Variants in TNRC6A observed in about 807,000 individuals in gnomAD.
The protein encoded by TNRC6A is trinucleotide repeat containing adaptor 6A.
Under a neutral mutation model 221.2 loss-of-function variants are expected in TNRC6A, and 44 were observed. The observed-to-expected ratio is 0.20, with a 90% CI of 0.16 to 0.26. TNRC6A has a LOEUF of 0.26. Ranked by LOEUF, TNRC6A falls within the 10% of genes least tolerant of loss-of-function variation. The pLI, the probability that TNRC6A is intolerant of heterozygous loss-of-function variation, is 1.00. For synonymous variants in TNRC6A, 847 were observed against 838.5 expected, an observed-to-expected ratio of 1.01 and a Z score of -0.18; for missense variants, 2,199 against 2,404.4, an observed-to-expected ratio of 0.91 and a Z score of 1.79.
intron 4 of TNRC6A, chr16:24,776,631 T>C (rs910353556): frequency 1.0e-6 from 1 of 985,284 alleles, no homozygotes; most frequent in Admixed American, 6.2e-5. Flanking sequence ...TTTGTAATGA[T>C]CCGATGATGA....
chr16:24,610,584 T>C (rs1472056597), intron 1 of TNRC6A: 1 of 152,276 alleles, frequency 6.6e-6, no homozygotes, highest in Non-Finnish European at 1.5e-5. Flanking sequence ...GGAAGGGAAG[T>C]GCCTGCCGGC....
intron 2 of TNRC6A, among the ~76,000 whole-genome samples, chr16:24,668,197 G>A (rs921277575): frequency 3.3e-5 from 5 of 151,394 alleles, no homozygotes; most frequent in African/African-American, 9.7e-5. Flanking sequence ...GCGTGGTGGC[G>A]CATGCCTGTA....
chr16:24,722,822 A>G (rs2056433259), intron 2 of TNRC6A, among the ~76,000 whole-genome samples: 1 of 152,164 alleles, frequency 6.6e-6, no homozygotes, highest in African/African-American at 2.4e-5. Context: ...GGGGTGTTCT[A>G]CGGTATGGCA....
chr16:24,651,562 A>AC (rs1390937954), intron 2 of TNRC6A, among the ~76,000 whole-genome samples: 1 of 145,492 alleles, frequency 6.9e-6, no homozygotes, highest in East Asian at 2.1e-4. Context: ...AAAAAAAAAA[A>AC]AACATAAAAT....
chr16:24,728,909 T>C (rs1475658907), upstream of TNRC6A, among the ~76,000 whole-genome samples: 1 of 152,156 alleles, frequency 6.6e-6, no homozygotes, highest in African/African-American at 2.4e-5. Flanking sequence ...GCCGGGATTA[T>C]TCCTCCACAT....
chr16:24,668,350 A>C (rs2055218186), intron 2 of TNRC6A, among the ~76,000 whole-genome samples: 1 of 151,910 alleles, frequency 6.6e-6, no homozygotes, highest in Admixed American at 6.6e-5. Flanking sequence ...ATCTCAAAAA[A>C]AAAAGAAAAA....
intron 1 of TNRC6A, among the ~76,000 whole-genome samples, chr16:24,614,267 G>A (rs557725608): frequency 1.3e-5 from 2 of 152,356 alleles, no homozygotes; most frequent in Admixed American, 6.5e-5. Flanking sequence ...TGCTTGCATC[G>A]TGTTTGCGAG....
intron 1 of TNRC6A, among the ~76,000 whole-genome samples, chr16:24,640,558 T>C (rs1240544159): frequency 6.7e-6 from 1 of 150,122 alleles, no homozygotes; most frequent in Non-Finnish European, 1.5e-5. Flanking sequence ...CAAAGCCCCA[T>C]CTCTACCAAA....
chr16:24,720,887 A>ACCG (rs1294496756), intron 2 of TNRC6A, among the ~76,000 whole-genome samples: 1 of 114,106 alleles, frequency 8.8e-6, no homozygotes, highest in African/African-American at 4.5e-5. Context: ...AAACAAACAG[A>ACCG]AAAAAAAAAA....
intron 2 of TNRC6A, among the ~76,000 whole-genome samples, chr16:24,666,639 GAA>G (rs1164353374): frequency 0.012 from 364 of 31,242 alleles, 1 homozygote; most frequent in African/African-American, 0.032. Context: ...CTGTCTTAGA[GAA>G]AAAAAAAAAA....
intron 22 of TNRC6A, 103 bp downstream of exon 22, chr16:24,820,463 C>A: frequency 2.0e-6 from 2 of 1,009,240 alleles, no homozygotes; most frequent in South Asian, 1.5e-5. Flanking sequence ...ACTATTGCCT[C>A]ACCTCCATCA....
At chr16:24,812,489 G>T (rs551329465) in intron 18 of TNRC6A, among the ~76,000 whole-genome samples, 1 of 152,088 alleles carries the variant, frequency 6.6e-6, no homozygotes, top group African/African-American at 2.4e-5. Flanking sequence ...CCACTTAATG[G>T]CAATGTTTCA....
At chr16:24,737,307 G>A (rs2056792026) in intron 2 of TNRC6A, among the ~76,000 whole-genome samples, 1 of 152,076 alleles carries the variant, frequency 6.6e-6, no homozygotes, top group African/African-American at 2.4e-5. Context: ...AGAGGAAGAT[G>A]TTTGAGATTC....
chr16:24,769,168 T>C (rs2057537739), intron 4 of TNRC6A, among the ~76,000 whole-genome samples: 1 of 152,162 alleles, frequency 6.6e-6, no homozygotes, highest in South Asian at 2.1e-4. Flanking sequence ...TAAGAGGCTA[T>C]TTTTTAAAAC....
At chr16:24,625,737 C>CAAAAAAAA (rs749882396) in intron 1 of TNRC6A, among the ~76,000 whole-genome samples, 1 of 24,026 alleles carries the variant, frequency 4.2e-5, no homozygotes, top group Non-Finnish European at 8.4e-5. Context: ...CGTCTCAAAA[C>CAAAAAAAA]AAAAAAAAAA....
intron 1 of TNRC6A, among the ~76,000 whole-genome samples, chr16:24,623,272 C>T (rs933612044): frequency 1.3e-5 from 2 of 151,834 alleles, no homozygotes; most frequent in Non-Finnish European, 2.9e-5. Flanking sequence ...GATCTCGGCT[C>T]ACTGCAAGCT....
chr16:24,780,422 CT>C (rs1271260296), intron 5 of TNRC6A, among the ~76,000 whole-genome samples: 3 of 152,198 alleles, frequency 2.0e-5, no homozygotes, highest in African/African-American at 4.8e-5. Flanking sequence ...ATTATCACCC[CT>C]AAGTAAAAGA....
At position 24,823,697 on chromosome 16, in the gene TNRC6A, A is replaced by G. The variant is rs200797787; in HGVS notation, c.5779A>G (p.Ser1927Gly). ...CTGGGGGACCCCGCATTATTCCACAAGCCTGTGGGGTCCCCCAAGCAGCAG... is the reference window on the plus strand; with the variant it reads ...CTGGGGGACCCCGCATTATTCCACAGGCCTGTGGGGTCCCCCAAGCAGCAG... ...SLWGTPHYSTSLWGPPSSSDP... is the reference protein window; with the variant it reads ...SLWGTPHYSTGLWGPPSSSDP... Residue 1927 changes from serine to glycine, a missense_variant, in exon 25 of 25, where the codon AGC becomes GGC. By Grantham distance (56) the Ser-to-Gly change is moderately conservative. Transcript: ENST00000395799. This position sits in a 1 kb window ranked among gnomAD's most constrained non-coding sequence, Gnocchi z 4.3. 120 of 1,596,396 alleles carry G rather than the reference A, an allele frequency of 7.5e-5. No individual in the cohort carries two copies. The highest frequency in any genetic ancestry group is 3.6e-4 in the East Asian group (16 of 44,214).
intron 2 of TNRC6A, among the ~76,000 whole-genome samples, chr16:24,675,994 C>T (rs2055413969): frequency 6.6e-6 from 1 of 151,592 alleles, no homozygotes; most frequent in African/African-American, 2.4e-5. Flanking sequence ...AGAACTATTC[C>T]CCACCAATGC....
Sources: gnomAD v4.1 joint callset for allele counts (sites outside exome capture counted in the v4.1 genomes callset) on GRCh38, gnomAD v4.1.1 for gene constraint, Gnocchi (gnomAD v3.1) non-coding constraint, MANE v1.5 for transcripts, NCBI Gene and HGNC (gene_info 2026-07-23, HGNC 2026-07-21) for gene names.